IGF1R: variants seen among roughly 807,000 people sequenced by gnomAD.
IGF1R encodes the protein insulin-like growth factor 1 receptor.
IGF1R carries 44 observed loss-of-function variants against 144.6 expected under a neutral mutation model. That is an observed-to-expected ratio of 0.30 (90% CI 0.24 to 0.39). IGF1R has a LOEUF of 0.39. Among genes scored for constraint, IGF1R ranks in the 10% least tolerant of loss-of-function variants. The pLI is 1.00. For missense variants in IGF1R, 1,355 were observed against 1,833.7 expected, an observed-to-expected ratio of 0.74 and a Z score of 4.77; for synonymous variants, 795 against 722.8, an observed-to-expected ratio of 1.10 and a Z score of -1.60.
chr15:98,661,955 C>CTTTTTTTTTTTTTTTTTT (rs1567062333), intron 1 of IGF1R, among the ~76,000 whole-genome samples: 1 of 108,206 alleles, frequency 9.2e-6, no homozygotes, highest in African/African-American at 4.2e-5. Flanking sequence ...TGAATAGGGC[C>CTTTTTTTTTTTTTTTTTT]CTTTTTTTTT....
chr15:98,792,675 A>G (rs1445973522), intron 2 of IGF1R, among the ~76,000 whole-genome samples: 2 of 152,214 alleles, frequency 1.3e-5, no homozygotes, highest in Non-Finnish European at 1.5e-5. Flanking sequence ...CCTAGGTGGC[A>G]TGGGAGGGTG....
intron 2 of IGF1R, among the ~76,000 whole-genome samples, chr15:98,762,009 A>G (rs2055311669): frequency 6.6e-6 from 1 of 152,046 alleles, no homozygotes; most frequent in South Asian, 2.1e-4. Context: ...ATATCAGTCG[A>G]TCTTGCCTGC....
intron 2 of IGF1R, among the ~76,000 whole-genome samples, chr15:98,844,514 A>AG (rs1482843776): frequency 6.6e-6 from 1 of 152,130 alleles, no homozygotes; most frequent in Non-Finnish European, 1.5e-5. Context: ...CTAATCTAGG[A>AG]GGCATGTCTA....
chr15:98,869,456 C>T (rs1202456788), intron 2 of IGF1R, among the ~76,000 whole-genome samples: 11 of 124,422 alleles, frequency 8.8e-5, no homozygotes, highest in East Asian at 2.8e-4. Flanking sequence ...TTTTTTTAGA[C>T]GGCGTTTCGC....
chr15:98,872,800 A>G (rs2012854522), intron 2 of IGF1R, among the ~76,000 whole-genome samples: 2 of 152,050 alleles, frequency 1.3e-5, no homozygotes, highest in Admixed American at 1.3e-4. Context: ...GGATGAACTT[A>G]AGCATCTTAA....
intron 2 of IGF1R, among the ~76,000 whole-genome samples, chr15:98,748,562 C>T (rs1005866590): frequency 5.3e-5 from 8 of 152,164 alleles, no homozygotes; most frequent in African/African-American, 1.7e-4. Flanking sequence ...GCGTGCAAAT[C>T]GTCATTTTCT....
At chr15:98,868,773 C>G (rs569034454) in intron 2 of IGF1R, among the ~76,000 whole-genome samples, 1 of 152,320 alleles carries the variant, frequency 6.6e-6, no homozygotes, top group East Asian at 1.9e-4. Flanking sequence ...CAGCGTATGC[C>G]AAGCGCTTAG....
intron 8 of IGF1R, 71 bp from the exon 9 acceptor site, chr15:98,915,893 G>GCC: frequency 6.9e-7 from 1 of 1,442,780 alleles, no homozygotes; most frequent in Non-Finnish European, 9.8e-7. Context: ...CTGTTGGCTT[G>GCC]CCAGAGTATC....
intron 1 of IGF1R, among the ~76,000 whole-genome samples, chr15:98,702,390 T>C (rs1452999561): frequency 6.6e-6 from 1 of 152,134 alleles, no homozygotes; most frequent in African/African-American, 2.4e-5. Context: ...GCTCTGTGTC[T>C]CCCAGGCTGG....
intron 2 of IGF1R, among the ~76,000 whole-genome samples, chr15:98,733,659 G>C (rs955239888): frequency 2.6e-5 from 4 of 152,098 alleles, no homozygotes; most frequent in African/African-American, 7.2e-5. Context: ...TCAGTTTGCT[G>C]TCTGACTACC....
At chr15:98,864,989 A>C (rs572113160) in intron 2 of IGF1R, among the ~76,000 whole-genome samples, 9 of 152,306 alleles carry the variant, frequency 5.9e-5, no homozygotes, top group African/African-American at 2.2e-4. Flanking sequence ...TTCCAAATTA[A>C]ATTTTAGGAG....
chr15:98,789,370 CTTTAA>C (rs1468869472), intron 2 of IGF1R, among the ~76,000 whole-genome samples: 10 of 152,134 alleles, frequency 6.6e-5, no homozygotes, highest in Non-Finnish European at 1.2e-4. Flanking sequence ...AAAACCACAA[CTTTAA>C]TTTATAGCAT....
At chr15:98,806,612 C>T (rs1051297250) in intron 2 of IGF1R, among the ~76,000 whole-genome samples, 1 of 152,198 alleles carries the variant, frequency 6.6e-6, no homozygotes, top group Non-Finnish European at 1.5e-5. Context: ...GAAATTATCT[C>T]ACAGAGTTTT....
intron 5 of IGF1R, among the ~76,000 whole-genome samples, chr15:98,899,863 A>G (rs1392573888): frequency 2.0e-5 from 3 of 152,102 alleles, no homozygotes; most frequent in Non-Finnish European, 4.4e-5. Context: ...TCATCAGTCA[A>G]GGGTTGCGTG....
chr15:98,807,851 A>C (rs756217426), intron 2 of IGF1R, among the ~76,000 whole-genome samples: 1 of 152,232 alleles, frequency 6.6e-6, no homozygotes, highest in African/African-American at 2.4e-5. Context: ...ATAAGTTTAG[A>C]GGAAACAATA....
intron 1 of IGF1R, among the ~76,000 whole-genome samples, chr15:98,685,554 C>T (rs1235314457): frequency 6.6e-6 from 1 of 152,216 alleles, no homozygotes; most frequent in Non-Finnish European, 1.5e-5. Flanking sequence ...CTCTGTGTCC[C>T]TTCGGTATCT....
chr15:98,879,772 C>G (rs897286229), intron 2 of IGF1R, among the ~76,000 whole-genome samples: 1 of 151,982 alleles, frequency 6.6e-6, no homozygotes, highest in Non-Finnish European at 1.5e-5. Context: ...TCATGAAAGT[C>G]AAAATTTATG....
intron 6 of IGF1R, among the ~76,000 whole-genome samples, chr15:98,910,243 G>C (rs923661089): frequency 6.6e-6 from 1 of 152,178 alleles, no homozygotes; most frequent in Non-Finnish European, 1.5e-5. Context: ...CTTGCTCCCT[G>C]TTCAGATCAT....
At chr15:98,655,192 C>CT (rs144499041) in intron 1 of IGF1R, among the ~76,000 whole-genome samples, 47,008 of 151,920 alleles carry the variant, frequency 0.31, 8,621 homozygotes, top group Non-Finnish European at 0.4. Context: ...AACAAAGGAT[C>CT]TTTAAAACAA....
Sources: allele counts gnomAD v4.1 joint callset (sites outside exome capture counted in the v4.1 genomes callset), GRCh38; gene constraint gnomAD v4.1.1; transcripts MANE v1.5; gene names NCBI Gene and HGNC (gene_info 2026-07-23, HGNC 2026-07-21).